SVIP: variants seen among roughly 807,000 people sequenced by gnomAD.
The protein encoded by SVIP is small VCP interacting protein, also known as small VCP/p97-interacting protein.
Under a neutral mutation model 12.9 loss-of-function variants are expected in SVIP, and 14 were observed. The ratio of observed to expected loss-of-function variants is 1.08; its 90% CI spans 0.72 to 1.70. The LOEUF (loss-of-function observed/expected upper bound fraction) is 1.70. SVIP is among the 40% of genes most tolerant of loss of function. The probability of loss-of-function intolerance (pLI) is 0.00; values close to 1 mark genes in which losing one functional copy is unlikely to be tolerated. For missense variants in SVIP, 93 were observed against 90.8 expected, an observed-to-expected ratio of 1.02 and a Z score of -0.10; for synonymous variants, 35 against 33.3, an observed-to-expected ratio of 1.05 and a Z score of -0.17.
rs752905209 is a variant in SVIP, at chr11:22,827,298, T to A, written c.128A>T (p.Asp43Val). 6.3e-7 allele frequency: 1 copy of A among 1,599,246 alleles called. No individual in the cohort carries two copies. The highest frequency in any genetic ancestry group is 1.1e-5 in the South Asian group (1 of 87,886). Reference protein sequence around the residue: ...QKEAASRGILDVQSVQEKRKK... With the variant: ...QKEAASRGILVVQSVQEKRKK... ...TCTCTTTTCTTGCACAGATTGAACA[T>A]CTAAAATTCCCCGAGATGCAGCCTT... The change falls in exon 3 of 4, where the codon GAT (aspartate) becomes GTT (valine). Residue 43 changes from aspartate (D) to valine (V), a missense_variant. Physicochemically the swap from Asp to Val is radical, Grantham distance 152. Transcript: ENST00000354193.
At chr11:22,828,146 G>A (rs1201941683) in intron 1 of SVIP, among the ~76,000 whole-genome samples, 3 of 151,838 alleles carry the variant, frequency 2.0e-5, no homozygotes, top group Non-Finnish European at 4.4e-5. Flanking sequence ...AGCTAGTCAG[G>A]GCAATAACAA....
Position 22,820,203 on chromosome 11 carries a change from C to CTAT in SVIP, c.*2913_*2915dup, listed in dbSNP as rs1179611068. 3 of 152,196 alleles carry CTAT rather than the reference C, an allele frequency of 2.0e-5. No individual in the cohort carries two copies. The highest frequency in any genetic ancestry group is 4.4e-5 in the Non-Finnish European group (3 of 68,026). The allele number at this position is 152,196 out of a possible 1,614,324, so 9.4% of individuals were successfully genotyped here. On this transcript the variant is annotated 3_prime_UTR_variant, in exon 4 of 4. Transcript: ENST00000354193. The stretch of plus-strand genomic sequence containing the variant: ...TCATGGCTACTTACCTCTTACTGGT[C>CTAT]TATTCATGCAGAAATTATTCAAAAC...
Position 22,818,984 on chromosome 11 carries a change from A to AT in SVIP, c.*4134dup, listed in dbSNP as rs57811234. On this transcript the variant is annotated 3_prime_UTR_variant, in exon 4 of 4. Coordinates refer to ENST00000354193, the MANE Select transcript of SVIP (RefSeq NM_148893.3). ...TGTCATTTTTAATGTCTACAGTTTTATTTTTCCTAAATATTTTATTTGTTG... is the reference window on the plus strand; with the variant it reads ...TGTCATTTTTAATGTCTACAGTTTTATTTTTTCCTAAATATTTTATTTGTTG... The AT allele has an allele frequency of 6.6e-6, 1 of 152,022 alleles. No individual in the cohort carries two copies. The highest frequency in any genetic ancestry group is 2.1e-4 in the South Asian group (1 of 4,826). The allele number at this position is 152,022 out of a possible 1,614,324, so 9.4% of individuals were successfully genotyped here.
rs1020761223 is a variant in SVIP at position 22,819,144 on chromosome 11, G to A, written c.*3975C>T. Reference sequence around the variant, plus strand: ...TTTATTAGTTCCAGAAGTTTTTGTGGAACCTCTGAGAATTTTCTACCTGAG... The same window carrying A: ...TTTATTAGTTCCAGAAGTTTTTGTGAAACCTCTGAGAATTTTCTACCTGAG... On this transcript the variant is annotated 3_prime_UTR_variant, in exon 4 of 4. Transcript: ENST00000354193. The A allele has an allele frequency of 2.0e-5, 3 of 152,010 alleles. No individual in the cohort carries two copies. Among genetic ancestry groups the A allele is most frequent in the African/African-American group, 7.2e-5 (3 of 41,404 alleles). The allele number at this position is 152,010 out of a possible 1,614,324, so 9.4% of individuals were successfully genotyped here.
At chr11:22,825,354 G>A (rs1206534231) in intron 3 of SVIP, among the ~76,000 whole-genome samples, 1 of 152,020 alleles carries the variant, frequency 6.6e-6, no homozygotes, top group Non-Finnish European at 1.5e-5. Context: ...TTGACATGTT[G>A]TGCATGTGTC....
In SVIP at chr11:22,821,397, T is replaced by C. The variant is rs1195459076; in HGVS notation, c.*1722A>G. The C allele has an allele frequency of 6.6e-6, 1 of 152,020 alleles. No individual in the cohort carries two copies. Among genetic ancestry groups the C allele is most frequent in the Admixed American group, 6.6e-5 (1 of 15,260 alleles). The allele number at this position is 152,020 out of a possible 1,614,324, so 9.4% of individuals were successfully genotyped here. A position where few individuals can be genotyped will look rare whatever the true frequency, so the allele number is the denominator to read the frequency against. ...AAGTAATAGATCTGAATATCATTCA[T>C]GGTTAACAATAGATAGTGTGACATT... On this transcript the variant is annotated 3_prime_UTR_variant, in exon 4 of 4. Coordinates refer to ENST00000354193, the MANE Select transcript of SVIP (RefSeq NM_148893.3).
intron 3 of SVIP, among the ~76,000 whole-genome samples, chr11:22,824,659 T>C (rs1857627472): frequency 6.6e-6 from 1 of 152,128 alleles, no homozygotes. Context: ...GTCTACAATA[T>C]ACAATTTAGC....
At position 22,819,916 on chromosome 11, in the gene SVIP, A is replaced by G. The variant is rs1192482784; in HGVS notation, c.*3203T>C. On this transcript the variant is annotated 3_prime_UTR_variant, in exon 4 of 4. Coordinates refer to ENST00000354193, the MANE Select transcript of SVIP (RefSeq NM_148893.3). ...AAAGTCAATATTTGCAAGATGAAGCATAACTAGAAGAGGGAGACTAGAACA... is the reference window on the plus strand; with the variant it reads ...AAAGTCAATATTTGCAAGATGAAGCGTAACTAGAAGAGGGAGACTAGAACA... 2 of 152,264 alleles carry G rather than the reference A, an allele frequency of 1.3e-5. No homozygotes were observed. The highest frequency in any genetic ancestry group is 6.5e-5 in the Admixed American group (1 of 15,292). The allele number at this position is 152,264 out of a possible 1,614,324, so 9.4% of individuals were successfully genotyped here. A position where few individuals can be genotyped will look rare whatever the true frequency, so the allele number is the denominator to read the frequency against.
intron 3 of SVIP, among the ~76,000 whole-genome samples, chr11:22,825,349 A>G (rs927238112): frequency 6.6e-6 from 1 of 152,004 alleles, no homozygotes; most frequent in Non-Finnish European, 1.5e-5. Flanking sequence ...TGCTCTTGAC[A>G]TGTTGTGCAT....
Position 22,823,096 on chromosome 11 carries a change from G to T in SVIP, c.*23C>A, listed in dbSNP as rs373824450. 5.1e-6 allele frequency: 8 copies of T among 1,576,986 alleles called. No individual in the cohort carries two copies. Among genetic ancestry groups the T allele is most frequent in the Non-Finnish European group, 6.9e-6 (8 of 1,161,502 alleles). ...AGATAATAAACAGTTATTGGCAGTA[G>T]ATTCTTCTACTCATGTTATGCTTTA... On this transcript the variant is annotated 3_prime_UTR_variant, in exon 4 of 4. Transcript: ENST00000354193.
At chr11:22,827,144 T>C in intron 3 of SVIP, 63 bp downstream of exon 3, 1 of 1,245,564 alleles carries the variant, frequency 8.0e-7, no homozygotes, top group Non-Finnish European at 1.2e-6. Flanking sequence ...TATGAATGGA[T>C]TGCTACTTAA....
At chr11:22,826,900 C>T (rs184139595) in intron 3 of SVIP, among the ~76,000 whole-genome samples, 1 of 152,014 alleles carries the variant, frequency 6.6e-6, no homozygotes, top group African/African-American at 2.4e-5. Context: ...GACTTTTACA[C>T]TTCTTTATAC....
At chr11:22,823,669 T>C (rs779112021) in intron 3 of SVIP, among the ~76,000 whole-genome samples, 18 of 152,208 alleles carry the variant, frequency 1.2e-4, no homozygotes, top group Non-Finnish European at 2.2e-4. Context: ...CCTAGGCTTC[T>C]GTTGTCCCTT....
chr11:22,828,286 G>A (rs904608097), intron 1 of SVIP, among the ~76,000 whole-genome samples: 1 of 152,174 alleles, frequency 6.6e-6, no homozygotes, highest in African/African-American at 2.4e-5. Flanking sequence ...CAGTGTGTAG[G>A]AGGGAAGGAC....
rs1385001685 is a variant in SVIP at position 22,822,369 on chromosome 11, A to G, written c.*750T>C. The G allele has an allele frequency of 6.6e-6, 1 of 152,208 alleles. No individual in the cohort carries two copies. Among genetic ancestry groups the G allele is most frequent in the Non-Finnish European group, 1.5e-5 (1 of 68,006 alleles). The allele number at this position is 152,208 out of a possible 1,614,324, so 9.4% of individuals were successfully genotyped here. A position where few individuals can be genotyped will look rare whatever the true frequency, so the allele number is the denominator to read the frequency against. On this transcript the variant is annotated 3_prime_UTR_variant, in exon 4 of 4. Transcript: ENST00000354193. ...CTACTCATTATAACCCATCCAGATT[A>G]TTAGTTTAACTCATTCAATTACTAC...
intron 3 of SVIP, among the ~76,000 whole-genome samples, chr11:22,824,990 C>T (rs1388266772): frequency 6.6e-6 from 1 of 152,134 alleles, no homozygotes; most frequent in Non-Finnish European, 1.5e-5. Context: ...ATGCCATCAT[C>T]ACATTGACTT....
chr11:22,821,232 T>C lies in SVIP; in HGVS notation c.*1887A>G, dbSNP rs1380394381. Reference sequence around the variant, plus strand: ...TCATAAGACATCCAGTCACTTCTTTTCCCTTGCCCTTTCCTAACACTGTTC... The same window carrying C: ...TCATAAGACATCCAGTCACTTCTTTCCCCTTGCCCTTTCCTAACACTGTTC... On this transcript the variant is annotated 3_prime_UTR_variant, in exon 4 of 4. Coordinates refer to ENST00000354193, the MANE Select transcript of SVIP (RefSeq NM_148893.3). The C allele has an allele frequency of 6.6e-6, 1 of 151,366 alleles. No individual in the cohort carries two copies. The highest frequency in any genetic ancestry group is 1.5e-5 in the Non-Finnish European group (1 of 67,860). 9.4% of individuals were successfully genotyped at this position (151,366 alleles called of 1,614,324 possible).
chr11:22,829,720 TC>T lies in SVIP; in HGVS notation c.28del (p.Glu10SerfsTer33), dbSNP rs1857888291. MGLCFPCPG[E>X]SAPPTPDLEE... is the part of the protein sequence containing the mutation. ...CAGGTCCGGCGTGGGAGGCGCGGAC[TC>T]CCCGGGACAAGGAAAACACAGCCCC... On this transcript the variant is annotated frameshift_variant, in exon 1 of 4. Transcript: ENST00000354193. LOFTEE classifies it high-confidence loss of function. 2 of 1,606,784 alleles carry T rather than the reference TC, an allele frequency of 1.2e-6. No homozygotes were observed. Among genetic ancestry groups the T allele is most frequent in the Admixed American group, 1.7e-5 (1 of 59,364 alleles).
chr11:22,827,322 T>A lies in SVIP; in HGVS notation c.106-2A>T. ...ATCTAAAATTCCCCGAGATGCAGCC[T>A]TGAAGAAATTTGATAAGAAAAACAG... On this transcript the variant is annotated splice_acceptor_variant, in intron 2 of 3. Coordinates refer to ENST00000354193, the MANE Select transcript of SVIP (RefSeq NM_148893.3). LOFTEE classifies it high-confidence loss of function. The A allele has an allele frequency of 6.3e-7, 1 of 1,586,502 alleles. No individual in the cohort carries two copies.
Sources: allele counts gnomAD v4.1 joint callset (sites outside exome capture counted in the v4.1 genomes callset), GRCh38; gene constraint gnomAD v4.1.1; transcripts MANE v1.5; gene names NCBI Gene and HGNC (gene_info 2026-07-23, HGNC 2026-07-21).